Variants in TPO observed in about 807,000 individuals in gnomAD.
The protein encoded by TPO is thyroid peroxidase.
In TPO, 78 loss-of-function variants were observed where a neutral mutation model predicts 96.9. That is an observed-to-expected ratio of 0.81 (90% confidence interval 0.67 to 0.97). The LOEUF (loss-of-function observed/expected upper bound fraction) is 0.97. TPO is among the 50% of genes least tolerant of loss of function. The pLI is 0.00. For synonymous variants in TPO, 547 were observed against 538.0 expected (o/e 1.02, Z -0.23); for missense variants, 1,252 against 1,274.8 (o/e 0.98, Z 0.27).
chr2:1,382,951 C>T (rs1355573781), intron 1 of TPO, among the ~76,000 whole-genome samples: 1 of 147,120 alleles, frequency 6.8e-6, no homozygotes, highest in Admixed American at 7.0e-5. Context: ...TGTTCAATCC[C>T]ACCTATGAGT....
intron 10 of TPO, among the ~76,000 whole-genome samples, chr2:1,489,215 G>T (rs1210186701): frequency 6.8e-6 from 1 of 146,240 alleles, no homozygotes; most frequent in African/African-American, 2.6e-5. Flanking sequence ...CACATGCCCA[G>T]CACACGCCTG....
intron 3 of TPO, among the ~76,000 whole-genome samples, chr2:1,425,591 T>A (rs1558269086): frequency 6.6e-6 from 1 of 152,086 alleles, no homozygotes; most frequent in African/African-American, 2.4e-5. Context: ...TTCTATGCAG[T>A]CATTGTTCTA....
chr2:1,521,320 G>A (rs1025245536), intron 15 of TPO, among the ~76,000 whole-genome samples: 1 of 152,154 alleles, frequency 6.6e-6, no homozygotes, highest in Non-Finnish European at 1.5e-5. Flanking sequence ...CTCTAGGCAC[G>A]TCACGGGGGG....
intron 3 of TPO, among the ~76,000 whole-genome samples, chr2:1,430,390 G>A (rs745323149): frequency 6.6e-6 from 1 of 152,234 alleles, no homozygotes; most frequent in Admixed American, 6.5e-5. Context: ...GAGAATCCAT[G>A]AAAAAGCCTA....
chr2:1,491,418 T>C (rs1301411831), intron 10 of TPO, among the ~76,000 whole-genome samples: 2 of 152,244 alleles, frequency 1.3e-5, no homozygotes, highest in African/African-American at 4.8e-5. Context: ...TTCGTTGTTT[T>C]TTCTTTTTGA....
chr2:1,486,939 AT>A (rs1671223132), intron 9 of TPO, among the ~76,000 whole-genome samples: 2 of 152,226 alleles, frequency 1.3e-5, no homozygotes, highest in Non-Finnish European at 1.5e-5. Flanking sequence ...CACCCAGGTC[AT>A]CCCACACAGG....
At chr2:1,532,708 C>CT (rs1460560958) in intron 15 of TPO, among the ~76,000 whole-genome samples, 5 of 1,756 alleles carry the variant, frequency 2.8e-3, no homozygotes, top group East Asian at 0.042. Context: ...TCCCCAAATC[C>CT]CCCACTGTGA....
intron 5 of TPO, among the ~76,000 whole-genome samples, chr2:1,440,149 A>C (rs1666013920): frequency 6.6e-6 from 1 of 151,216 alleles, no homozygotes; most frequent in Admixed American, 6.6e-5. Context: ...CTGCGTTTCC[A>C]ATGTGCTGCG....
At chr2:1,446,077 G>C (rs10181072) in intron 5 of TPO, among the ~76,000 whole-genome samples, 129,838 of 152,126 alleles carry the variant, frequency 0.85, 55,694 homozygotes, top group South Asian at 0.93. Context: ...AATCTGGAGG[G>C]ACAGGTGGCC....
chr2:1,532,436 ACCT>A (rs1287423239), intron 15 of TPO, among the ~76,000 whole-genome samples: 4 of 97,278 alleles, frequency 4.1e-5, no homozygotes, highest in East Asian at 6.3e-4. Flanking sequence ...ACTGTGAGTA[ACCT>A]CCTGCAATTG....
At chr2:1,445,562 A>G (rs1666709858) in intron 5 of TPO, among the ~76,000 whole-genome samples, 1 of 119,710 alleles carries the variant, frequency 8.4e-6, no homozygotes, top group Non-Finnish European at 1.7e-5. Flanking sequence ...GTTGGAAGGG[A>G]ATGGGGCAGG....
intron 1 of TPO, among the ~76,000 whole-genome samples, chr2:1,403,294 C>G (rs955473139): frequency 6.6e-6 from 1 of 152,190 alleles, no homozygotes; most frequent in Non-Finnish European, 1.5e-5. Context: ...AGGCCATGCC[C>G]GGGCAGCCTG....
intron 5 of TPO, among the ~76,000 whole-genome samples, chr2:1,452,655 G>A (rs6740728): frequency 0.93 from 141,505 of 152,316 alleles, 65,808 homozygotes; most frequent in South Asian, 0.98. Flanking sequence ...AAATGAACAT[G>A]TAATGAGCTA....
At chr2:1,541,176 G>A in intron 16 of TPO, 1 of 1,174,804 alleles carries the variant, frequency 8.5e-7, no homozygotes, top group Middle Eastern at 3.9e-4. Context: ...AAACTCACTT[G>A]TGTAAGTCTG....
At position 1,392,114 on chromosome 2, in the gene TPO, C is replaced by A. The variant is rs558680561; in HGVS notation, n.180+17712C>A. Among the ~76,000 whole-genome samples, 7 of 152,220 alleles carry A rather than the reference C, an allele frequency of 4.6e-5. No homozygotes were observed. The South Asian group carries it at 1.5e-3, about 32-fold the overall frequency. ...GTGCCAGTTTTCAAAGGGAATGCTT[C>A]CAATTTTTGCCCATTCAGTATGATA... is the stretch of plus-strand genomic sequence containing the variant. On this transcript the variant is annotated intron_variant and non_coding_transcript_variant, in intron 1 of 5. Transcript: ENST00000497517.
At chr2:1,498,884 A>T (rs576298967) in intron 13 of TPO, among the ~76,000 whole-genome samples, 1 of 152,064 alleles carries the variant, frequency 6.6e-6, no homozygotes, top group Non-Finnish European at 1.5e-5. Context: ...TGAAACGGCC[A>T]CTTCACTCAC....
At chr2:1,487,754 T>G (rs62107969) in intron 9 of TPO, 67 bp from the exon 10 acceptor site, 289 of 1,576,268 alleles carry the variant, frequency 1.8e-4, no homozygotes, top group Middle Eastern at 3.3e-4. Context: ...AAAAAAAAAT[T>G]GAGATATTGT....
At chr2:1,517,897 G>A (rs958617690) in intron 15 of TPO, among the ~76,000 whole-genome samples, 1 of 152,176 alleles carries the variant, frequency 6.6e-6, no homozygotes, top group African/African-American at 2.4e-5. Flanking sequence ...CCTGCAGATA[G>A]AGGCCACAGT....
At chr2:1,478,011 T>C in intron 8 of TPO, 1 of 985,362 alleles carries the variant, frequency 1.0e-6, no homozygotes, top group African/African-American at 1.7e-5. Context: ...TTCAACTCAT[T>C]TAATAATTCC....
Sources: allele counts gnomAD v4.1 joint callset (sites outside exome capture counted in the v4.1 genomes callset), GRCh38; gene constraint gnomAD v4.1.1; transcripts MANE v1.5; gene names NCBI Gene and HGNC (gene_info 2026-07-23, HGNC 2026-07-21).